The following LARS2 variants were observed in gnomAD, a reference collection of about 807,000 sequenced individuals.
LARS2 encodes leucyl-tRNA synthetase 2, mitochondrial, also known as leucine--tRNA ligase, mitochondrial.
A neutral mutation model predicts 116.6 loss-of-function variants in LARS2; 81 were observed. The observed-to-expected ratio is 0.69, with a 90% confidence interval of 0.58 to 0.84. The LOEUF is 0.84. Ranked by LOEUF, LARS2 falls within the 40% of genes least tolerant of loss-of-function variation. The pLI is 0.00. For synonymous variants in LARS2, 396 were observed against 407.2 expected, an observed-to-expected ratio of 0.97 and a Z score of 0.33; for missense variants, 968 against 1,114.5, an observed-to-expected ratio of 0.87 and a Z score of 1.87.
intron 21 of LARS2, 84 bp downstream of exon 21, chr3:45,542,040 T>C: frequency 6.5e-7 from 1 of 1,539,130 alleles, no homozygotes; most frequent in Non-Finnish European, 8.9e-7. Context: ...TTGAGAGGTC[T>C]ATTAGCAGGC....
At chr3:45,469,774 A>G (rs3796364) in intron 8 of LARS2, among the ~76,000 whole-genome samples, 83,544 of 151,952 alleles carry the variant, frequency 0.55, 26,240 homozygotes, top group East Asian at 0.8. Context: ...TGCTGCCTTC[A>G]TAATTGGTTT....
intron 2 of LARS2, 60 bp from the exon 3 acceptor site, chr3:45,394,373 A>C: frequency 1.1e-6 from 1 of 904,852 alleles, no homozygotes; most frequent in South Asian, 1.5e-5. Context: ...CCAAATGGAA[A>C]GATAAGCTCT....
At chr3:45,413,946 A>T (rs1698375149) in intron 4 of LARS2, among the ~76,000 whole-genome samples, 1 of 152,174 alleles carries the variant, frequency 6.6e-6, no homozygotes, top group Admixed American at 6.5e-5. Flanking sequence ...GCTGGACATA[A>T]AGATGGAGGA....
chr3:45,474,736 C>T (rs919868397), intron 9 of LARS2, among the ~76,000 whole-genome samples: 2 of 152,146 alleles, frequency 1.3e-5, no homozygotes, highest in African/African-American at 4.8e-5. Context: ...ACAGCACAGA[C>T]ACAGAGGGTC....
intron 14 of LARS2, among the ~76,000 whole-genome samples, 177 bp downstream of exon 14, chr3:45,496,550 CAGGTGTGAAAGG>C (rs767650418): frequency 1.3e-5 from 2 of 152,180 alleles, no homozygotes; most frequent in African/African-American, 2.4e-5. Context: ...GGAGCTGTGA[CAGGTGTGAAAGG>C]AGAAGGGAAA....
chr3:45,476,251 T>C (rs1339854476), intron 9 of LARS2, among the ~76,000 whole-genome samples: 1 of 152,184 alleles, frequency 6.6e-6, no homozygotes, highest in Non-Finnish European at 1.5e-5. Context: ...ATGCCTGGTG[T>C]GGGGCAAGTG....
At chr3:45,397,815 G>A (rs1698075352) in intron 3 of LARS2, among the ~76,000 whole-genome samples, 1 of 152,154 alleles carries the variant, frequency 6.6e-6, no homozygotes, top group Non-Finnish European at 1.5e-5. Context: ...TCTGCACTAA[G>A]TAAAAGAATG....
chr3:45,522,854 C>T (rs1251004156), intron 19 of LARS2, among the ~76,000 whole-genome samples: 4 of 151,676 alleles, frequency 2.6e-5, no homozygotes, highest in African/African-American at 9.7e-5. Context: ...GATTTCGAGA[C>T]CAGCCTGAGC....
At chr3:45,455,055 A>G (rs550108014) in intron 7 of LARS2, among the ~76,000 whole-genome samples, 11 of 149,434 alleles carry the variant, frequency 7.4e-5, no homozygotes, top group African/African-American at 2.7e-4. Flanking sequence ...TTGAGACACT[A>G]TTTCTTTTGG....
intron 6 of LARS2, among the ~76,000 whole-genome samples, chr3:45,436,781 A>C (rs1698814873): frequency 6.9e-6 from 1 of 144,664 alleles, no homozygotes; most frequent in African/African-American, 2.5e-5. Context: ...GGCCTGGGCG[A>C]CAGAGCGAGA....
intron 4 of LARS2, among the ~76,000 whole-genome samples, chr3:45,416,713 T>C (rs1377292468): frequency 1.3e-5 from 2 of 152,236 alleles, no homozygotes; most frequent in Admixed American, 1.3e-4. Context: ...TATTTACTTT[T>C]AATTAAGTTT....
Position 45,520,206 on chromosome 3 carries a change from CCTTTACTA to C in LARS2, c.2215-12_2215-5del. The C allele has an allele frequency of 6.3e-7, 1 of 1,577,918 alleles. No homozygotes were observed. Among genetic ancestry groups the C allele is most frequent in the Non-Finnish European group, 8.7e-7 (1 of 1,147,574 alleles). On this transcript the variant is annotated splice_region_variant and splice_polypyrimidine_tract_variant and intron_variant, in intron 18 of 21. Coordinates refer to ENST00000645846, the MANE Select transcript of LARS2 (RefSeq NM_015340.4). Reference sequence around the variant, plus strand: ...ATTTTGAAATAAGTAAATAATTGAACCTTTACTAATAGGTGACCACCCATTTCACAGAG... The same window carrying C: ...ATTTTGAAATAAGTAAATAATTGAACATAGGTGACCACCCATTTCACAGAG...
At chr3:45,432,326 ACT>A (rs1698731381) in intron 6 of LARS2, among the ~76,000 whole-genome samples, 1 of 152,080 alleles carries the variant, frequency 6.6e-6, no homozygotes, top group African/African-American at 2.4e-5. Context: ...CACACAGAAC[ACT>A]CTACATGACA....
At chr3:45,510,320 G>C (rs1700268647) in intron 15 of LARS2, among the ~76,000 whole-genome samples, 1 of 152,062 alleles carries the variant, frequency 6.6e-6, no homozygotes, top group East Asian at 1.9e-4. Flanking sequence ...GGGGTAAGGT[G>C]GGAATATCAC....
chr3:45,441,378 C>T lies in LARS2; in HGVS notation c.517-5513C>T, dbSNP rs1698908070. On this transcript the variant is annotated intron_variant, in intron 6 of 21. Transcript: ENST00000645846. The stretch of plus-strand genomic sequence containing the variant: ...GTACTTGTTGATTTTTCCTGCAAGC[C>T]CAGCCGTATGCTTTGCACACAATTG... 2.0e-5 allele frequency among the ~76,000 whole-genome samples: 3 copies of T among 152,196 alleles called. No individual in the cohort carries two copies. The South Asian group carries it at 6.2e-4, about 31-fold the overall frequency.
intron 4 of LARS2, among the ~76,000 whole-genome samples, chr3:45,409,871 C>A (rs1698299600): frequency 6.6e-6 from 1 of 152,148 alleles, no homozygotes; most frequent in Non-Finnish European, 1.5e-5. Flanking sequence ...TGGTAAGAAT[C>A]TGAAATATTA....
intron 20 of LARS2, among the ~76,000 whole-genome samples, chr3:45,531,718 T>A (rs1003722015): frequency 2.0e-5 from 3 of 152,124 alleles, no homozygotes; most frequent in Non-Finnish European, 4.4e-5. Flanking sequence ...TTGAGAAAAA[T>A]TGCATATATT....
At chr3:45,510,395 C>T (rs1241099775) in intron 15 of LARS2, among the ~76,000 whole-genome samples, 1 of 151,996 alleles carries the variant, frequency 6.6e-6, no homozygotes, top group African/African-American at 2.4e-5. Context: ...GCCTGGGTGA[C>T]AGAACAAGAC....
intron 8 of LARS2, among the ~76,000 whole-genome samples, chr3:45,465,541 T>C (rs1186735140): frequency 6.6e-6 from 1 of 152,194 alleles, no homozygotes; most frequent in Non-Finnish European, 1.5e-5. Flanking sequence ...AGCAAAAAGC[T>C]GCCTGAATAG....
Sources: allele counts gnomAD v4.1 joint callset (sites outside exome capture counted in the v4.1 genomes callset), GRCh38; gene constraint gnomAD v4.1.1; transcripts MANE v1.5; gene names NCBI Gene and HGNC (gene_info 2026-07-23, HGNC 2026-07-21).